ZNF280D: variants seen among roughly 807,000 people sequenced by gnomAD.
ZNF280D encodes the protein zinc finger protein 280D.
In ZNF280D, 39 loss-of-function variants were observed where a neutral mutation model predicts 94.7. The ratio of observed to expected loss-of-function variants is 0.41; its 90% CI spans 0.32 to 0.54. The LOEUF (loss-of-function observed/expected upper bound fraction) is 0.54, where lower values mean the gene tolerates loss of function less well. Ranked by LOEUF, ZNF280D falls within the 20% of genes least tolerant of loss-of-function variation. The pLI is 0.22. For synonymous variants in ZNF280D, 398 were observed against 377.6 expected (o/e 1.05, Z -0.63); for missense variants, 1,090 against 1,149.3 (o/e 0.95, Z 0.75).
chr15:56,701,054 T>C lies in ZNF280D; in HGVS notation c.260A>G (p.Lys87Arg), dbSNP rs1336131764. The C allele has an allele frequency of 1.2e-6, 2 of 1,613,728 alleles. No homozygotes were observed. Among genetic ancestry groups the C allele is most frequent in the Non-Finnish European group, 1.7e-6 (2 of 1,179,784 alleles). ...ATTCGTGTAGTGTTGACTTGTAGGC[T>C]TGAATGCAGCAGTAATACCTGTATT... is the stretch of plus-strand genomic sequence containing the variant. ...ALSRGITAAF[K>R]PTSQHYTNPT... The change falls in exon 6 of 22, where the codon AAG (lysine) becomes AGG (arginine). Residue 87 changes from lysine to arginine, a missense_variant. By Grantham distance (26) the Lys-to-Arg change is conservative. This residue lies in a region of ZNF280D where 386 missense variants were observed against 372.0 expected (regional missense o/e 1.04). Coordinates refer to ENST00000267807, the MANE Select transcript of ZNF280D (RefSeq NM_017661.4).
At chr15:56,727,241 C>T (rs1385529465) in intron 1 of ZNF280D, among the ~76,000 whole-genome samples, 1 of 81,068 alleles carries the variant, frequency 1.2e-5, no homozygotes, top group Non-Finnish European at 2.6e-5. Flanking sequence ...AGGTGGGTCA[C>T]CTGAGGTCAG....
At chr15:56,709,997 T>G (rs1567021395) in intron 1 of ZNF280D, among the ~76,000 whole-genome samples, 1 of 152,148 alleles carries the variant, frequency 6.6e-6, no homozygotes. Flanking sequence ...CCCTAGAACT[T>G]AAAGTATAAT....
At chr15:56,659,175 TAAAAA>T (rs35057161) in intron 16 of ZNF280D, among the ~76,000 whole-genome samples, 14 of 93,226 alleles carry the variant, frequency 1.5e-4, no homozygotes, top group Admixed American at 6.7e-4. Context: ...TGTTTTTTAT[TAAAAA>T]AAAAAAAAAA....
At chr15:56,640,940 C>T (rs778002266) in intron 20 of ZNF280D, among the ~76,000 whole-genome samples, 14 of 152,028 alleles carry the variant, frequency 9.2e-5, no homozygotes, top group Non-Finnish European at 1.9e-4. Context: ...CTTAGTGGCT[C>T]GTCTTTGTAA....
intron 11 of ZNF280D, 90 bp downstream of exon 11, chr15:56,678,574 T>G: frequency 8.2e-7 from 1 of 1,225,820 alleles, no homozygotes; most frequent in Non-Finnish European, 1.1e-6. Context: ...GTTCTCATTC[T>G]CATTTTTCTA....
chr15:56,663,453 T>C (rs1481479722), intron 16 of ZNF280D, among the ~76,000 whole-genome samples: 9 of 152,100 alleles, frequency 5.9e-5, no homozygotes, highest in Admixed American at 4.6e-4. Flanking sequence ...AAGGTTCTCA[T>C]GCTTTGGAGA....
At chr15:56,718,283 T>C (rs191436082) in intron 1 of ZNF280D, among the ~76,000 whole-genome samples, 2 of 152,200 alleles carry the variant, frequency 1.3e-5, no homozygotes, top group African/African-American at 4.8e-5. Context: ...AGAACAAAAG[T>C]CTTGAGTTAA....
intron 1 of ZNF280D, among the ~76,000 whole-genome samples, chr15:56,709,633 G>C (rs2057639806): frequency 6.6e-6 from 1 of 152,120 alleles, no homozygotes; most frequent in African/African-American, 2.4e-5. Context: ...CGATAGATTG[G>C]ATTAAGAAAA....
chr15:56,653,283 A>G, intron 19 of ZNF280D: 1 of 1,199,918 alleles, frequency 8.3e-7, no homozygotes, highest in Non-Finnish European at 1.0e-6. Flanking sequence ...CAGTGGTTTG[A>G]TGGGCTTTTC....
At chr15:56,692,598 A>C (rs575803315) in intron 7 of ZNF280D, among the ~76,000 whole-genome samples, 2 of 152,246 alleles carry the variant, frequency 1.3e-5, no homozygotes, top group South Asian at 4.1e-4. Flanking sequence ...TTTCATGAGT[A>C]CTTACTATGT....
intron 1 of ZNF280D, among the ~76,000 whole-genome samples, chr15:56,716,452 A>G (rs1445542488): frequency 1.3e-5 from 2 of 151,384 alleles, no homozygotes; most frequent in Non-Finnish European, 1.5e-5. Context: ...CAAAAGACCT[A>G]TGGCAGAAGA....
chr15:56,648,775 G>A (rs1272249861), intron 19 of ZNF280D, among the ~76,000 whole-genome samples: 1 of 152,136 alleles, frequency 6.6e-6, no homozygotes, highest in Non-Finnish European at 1.5e-5. Flanking sequence ...AGTTATTATT[G>A]TCATGGGTAT....
At chr15:56,686,100 G>T (rs1334281048) in intron 9 of ZNF280D, among the ~76,000 whole-genome samples, 1 of 152,044 alleles carries the variant, frequency 6.6e-6, no homozygotes, top group African/African-American at 2.4e-5. Context: ...ACCAAGAAAA[G>T]GATATTTTAT....
intron 16 of ZNF280D, among the ~76,000 whole-genome samples, chr15:56,659,024 C>CT (rs764745336): frequency 1.2e-4 from 18 of 151,668 alleles, no homozygotes; most frequent in Non-Finnish European, 2.1e-4. Context: ...TACTAGTAGA[C>CT]TTTTTTTCTT....
In ZNF280D at chr15:56,631,265, T is replaced by A. The variant is rs1168224047; in HGVS notation, c.*233A>T. 2.3e-6 allele frequency: 1 copy of A among 430,386 alleles called. No homozygotes were observed. The highest frequency in any genetic ancestry group is 3.8e-5 in the Admixed American group (1 of 26,014). 26.7% of individuals were successfully genotyped at this position (430,386 alleles called of 1,614,324 possible). A position where few individuals can be genotyped will look rare whatever the true frequency, so the allele number is the denominator to read the frequency against. On this transcript the variant is annotated 3_prime_UTR_variant, in exon 22 of 22. Coordinates refer to ENST00000267807, the MANE Select transcript of ZNF280D (RefSeq NM_017661.4). ...GACCTTTCCACTGCAAATTTAATTA[T>A]CATTAAAATCCTGTTCGTGTTTTTA...
intron 3 of ZNF280D, 150 bp from the exon 4 acceptor site, chr15:56,704,417 A>T (rs1188767645): frequency 1.4e-6 from 1 of 740,206 alleles, no homozygotes; most frequent in African/African-American, 1.8e-5. Flanking sequence ...TGGTAACAAC[A>T]GTGAGAAATA....
chr15:56,667,939 A>G, intron 14 of ZNF280D: 1 of 197,736 alleles, frequency 5.1e-6, no homozygotes, highest in Non-Finnish European at 1.0e-5. Context: ...TAGTATCATT[A>G]TCATTAATAT....
intron 12 of ZNF280D, among the ~76,000 whole-genome samples, 186 bp downstream of exon 12, chr15:56,677,388 C>T (rs1011434331): frequency 6.6e-6 from 1 of 152,108 alleles, no homozygotes; most frequent in East Asian, 1.9e-4. Flanking sequence ...CATCTTTGTC[C>T]AGTACAGAGA....
intron 1 of ZNF280D, among the ~76,000 whole-genome samples, chr15:56,724,422 G>T (rs1403870885): frequency 6.6e-6 from 1 of 152,192 alleles, no homozygotes; most frequent in Non-Finnish European, 1.5e-5. Flanking sequence ...ATGCTCTAAG[G>T]AGGCAACACT....
Sources: gnomAD v4.1 joint callset for allele counts (sites outside exome capture counted in the v4.1 genomes callset) on GRCh38, gnomAD v4.1.1 for gene constraint, gnomAD v4.1.1 regional missense constraint, MANE v1.5 for transcripts, NCBI Gene and HGNC (gene_info 2026-07-23, HGNC 2026-07-21) for gene names.